The following KSR2 variants were observed in gnomAD, a reference collection of about 807,000 sequenced individuals.
KSR2 encodes kinase suppressor of ras 2.
A neutral mutation model predicts 107.8 loss-of-function variants in KSR2; 25 were observed. The ratio of observed to expected loss-of-function variants is 0.23; its 90% CI spans 0.17 to 0.32. The LOEUF (loss-of-function observed/expected upper bound fraction) is 0.32, where lower values mean the gene tolerates loss of function less well. Ranked by LOEUF, KSR2 falls within the 10% of genes least tolerant of loss-of-function variation. The pLI, the probability that KSR2 is intolerant of heterozygous loss-of-function variation, is 1.00. For missense variants in KSR2, 887 were observed against 1,268.9 expected (o/e 0.70, Z 4.57); for synonymous variants, 480 against 507.0 (o/e 0.95, Z 0.71).
chr12:117,538,124 C>T (rs1876181530), intron 10 of KSR2, among the ~76,000 whole-genome samples: 1 of 150,812 alleles, frequency 6.6e-6, no homozygotes, highest in South Asian at 2.1e-4. Context: ...CCTTCATCCC[C>T]TTCTGAAGAA....
Position 117,476,346 on chromosome 12 carries a change from C to A in KSR2, c.2582+118G>T. On this transcript the variant is annotated intron_variant, in intron 17 of 19. Transcript: ENST00000339824. ...GTTCCTCCATTCTCACCCAAAAATC[C>A]AGCCACTTTGGCCCTGTAGACAGGT... 5 of 1,289,872 alleles carry A rather than the reference C, an allele frequency of 3.9e-6. No homozygotes were observed. The South Asian group carries it at 9.1e-5, about 23-fold the overall frequency. The allele number at this position is 1,289,872 out of a possible 1,614,324, so 79.9% of individuals were successfully genotyped here.
intron 3 of KSR2, among the ~76,000 whole-genome samples, chr12:117,804,254 G>T (rs1890936410): frequency 6.6e-6 from 1 of 152,182 alleles, no homozygotes; most frequent in African/African-American, 2.4e-5. Context: ...TGTTGGCCAG[G>T]CTGGTCTTGA....
intron 5 of KSR2, among the ~76,000 whole-genome samples, chr12:117,601,295 T>TCG (rs1555220700): frequency 7.4e-6 from 1 of 134,354 alleles, no homozygotes; most frequent in Non-Finnish European, 1.6e-5. Context: ...TCCAAGATCT[T>TCG]GGGGGGGGGG....
rs549535443 is a variant in KSR2, at chr12:117,952,995, A to G, written c.180+15081T>C. On this transcript the variant is annotated intron_variant, in intron 1 of 19. Coordinates refer to ENST00000339824, the MANE Select transcript of KSR2 (RefSeq NM_173598.6). ...GTGAGACTCCATCTCAAAAAAAAAA[A>G]AAAAAAAAAATTTTAAAGGCTGCCT... 3.6e-4 allele frequency among the ~76,000 whole-genome samples: 55 copies of G among 151,742 alleles called. No homozygotes were observed. In the South Asian group the frequency reaches 0.011, roughly 32 times the overall value.
At chr12:117,568,596 G>A (rs927192319) in intron 7 of KSR2, among the ~76,000 whole-genome samples, 1 of 152,168 alleles carries the variant, frequency 6.6e-6, no homozygotes, top group Non-Finnish European at 1.5e-5. Flanking sequence ...TTCCTCGTCT[G>A]TAAAATGGGG....
intron 4 of KSR2, among the ~76,000 whole-genome samples, chr12:117,732,111 C>A (rs1887749946): frequency 6.6e-6 from 1 of 151,834 alleles, no homozygotes; most frequent in African/African-American, 2.4e-5. Context: ...TCTCTCTCTA[C>A]CCCCAGGTGC....
At chr12:117,803,500 T>C (rs936406703) in intron 3 of KSR2, among the ~76,000 whole-genome samples, 1 of 151,890 alleles carries the variant, frequency 6.6e-6, no homozygotes, top group Non-Finnish European at 1.5e-5. Context: ...CAGGAGATCA[T>C]GACCATCCTG....
At chr12:117,784,996 A>G (rs1890012668) in intron 3 of KSR2, among the ~76,000 whole-genome samples, 1 of 152,242 alleles carries the variant, frequency 6.6e-6, no homozygotes, top group African/African-American at 2.4e-5. Context: ...CAAGCAAACC[A>G]AAAATCAATA....
chr12:117,916,801 C>A (rs370248228), intron 1 of KSR2, among the ~76,000 whole-genome samples: 1 of 152,202 alleles, frequency 6.6e-6, no homozygotes. Context: ...CAAGTTTCAA[C>A]GCACCATTTA....
rs1283785517 is a variant in KSR2, at chr12:117,453,376, G to A, written c.*13823C>T. ...GACAGACAGAGATAGAAACGGAAAG[G>A]AAAAGAAAGAAGTGGCCCCCCAAAA... On this transcript the variant is annotated 3_prime_UTR_variant, in exon 20 of 20. Transcript: ENST00000339824. The A allele has an allele frequency of 6.6e-6, 1 of 152,478 alleles. No homozygotes were observed. Among genetic ancestry groups the A allele is most frequent in the Non-Finnish European group, 1.5e-5 (1 of 68,022 alleles). 9.4% of individuals were successfully genotyped at this position (152,478 alleles called of 1,614,324 possible). A position where few individuals can be genotyped will look rare whatever the true frequency, so the allele number is the denominator to read the frequency against.
At chr12:117,601,339 C>A (rs1039499859) in intron 5 of KSR2, among the ~76,000 whole-genome samples, 1 of 151,370 alleles carries the variant, frequency 6.6e-6, no homozygotes, top group African/African-American at 2.4e-5. Context: ...GTGTCCTTCC[C>A]CAAAATTTAC....
chr12:117,834,466 G>A (rs1185894248), intron 3 of KSR2, among the ~76,000 whole-genome samples: 5 of 151,712 alleles, frequency 3.3e-5, no homozygotes, highest in African/African-American at 1.2e-4. Context: ...TTTTTTTTGA[G>A]CTATGGTGAT....
intron 1 of KSR2, among the ~76,000 whole-genome samples, chr12:117,911,702 T>A (rs1010773381): frequency 5.3e-5 from 8 of 152,262 alleles, no homozygotes; most frequent in African/African-American, 1.9e-4. Flanking sequence ...AAGACCCATA[T>A]CTCTTCCCAT....
chr12:117,603,291 C>A (rs1233732337), intron 5 of KSR2, among the ~76,000 whole-genome samples: 1 of 152,206 alleles, frequency 6.6e-6, no homozygotes, highest in Non-Finnish European at 1.5e-5. Flanking sequence ...AAGTCTCCAA[C>A]CTCCTTAGCT....
intron 16 of KSR2, among the ~76,000 whole-genome samples, chr12:117,478,292 C>A (rs1161910571): frequency 6.6e-6 from 1 of 152,176 alleles, no homozygotes; most frequent in African/African-American, 2.4e-5. Context: ...CCTTCAAGAG[C>A]AGCATTATGC....
chr12:117,968,860 G>A lies in KSR2; in HGVS notation c.-605C>T. 2 of 224,976 alleles carry A rather than the reference G, an allele frequency of 8.9e-6. No homozygotes were observed. The highest frequency in any genetic ancestry group is 4.8e-5 in the South Asian group (1 of 20,936). 13.9% of individuals were successfully genotyped at this position (224,976 alleles called of 1,614,324 possible). On this transcript the variant is annotated 5_prime_UTR_variant, in exon 1 of 20. Transcript: ENST00000339824. ...CTGCATTGCTCCCGCGGCTGCGGCG[G>A]CTACTGCGGCTGGCTGCTGTCTCCT...
intron 1 of KSR2, among the ~76,000 whole-genome samples, chr12:117,911,197 C>CTG (rs1283087116): frequency 1.8e-4 from 27 of 152,086 alleles, no homozygotes; most frequent in African/African-American, 6.3e-4. Flanking sequence ...CACACACACA[C>CTG]ACTCAAGAAA....
At chr12:117,876,130 T>C (rs1382297257) in intron 1 of KSR2, among the ~76,000 whole-genome samples, 1 of 152,156 alleles carries the variant, frequency 6.6e-6, no homozygotes, top group African/African-American at 2.4e-5. Flanking sequence ...GTGCGGGTAA[T>C]GAAATCGCGG....
chr12:117,947,249 G>GAAAGAAAGAAAA lies in KSR2; in HGVS notation c.180+20826_180+20827insTTTTCTTTCTTT, dbSNP rs1896225882. The stretch of plus-strand genomic sequence containing the variant: ...AGAAAGAAAGAAAGAAAGAAAGAAA[G>GAAAGAAAGAAAA]AAAGAAAGAAGATAAACCACATGAC... On this transcript the variant is annotated intron_variant, in intron 1 of 19. Coordinates refer to ENST00000339824, the MANE Select transcript of KSR2 (RefSeq NM_173598.6). Among the ~76,000 whole-genome samples, 11 of 124,178 alleles carry GAAAGAAAGAAAA rather than the reference G, an allele frequency of 8.9e-5. No individual in the cohort carries two copies. The South Asian group carries it at 3.0e-3, about 34-fold the overall frequency. 81.5% of individuals were successfully genotyped at this position (124,178 alleles called of 152,430 possible). A position where few individuals can be genotyped will look rare whatever the true frequency, so the allele number is the denominator to read the frequency against.
Sources: gnomAD v4.1 joint callset for allele counts (sites outside exome capture counted in the v4.1 genomes callset) on GRCh38, gnomAD v4.1.1 for gene constraint, MANE v1.5 for transcripts, NCBI Gene and HGNC (gene_info 2026-07-23, HGNC 2026-07-21) for gene names.